The following APLF variants were observed in gnomAD, a reference collection of about 807,000 sequenced individuals.
APLF encodes aprataxin and PNKP like factor.
A neutral mutation model predicts 55.6 loss-of-function variants in APLF; 61 were observed. The observed-to-expected ratio is 1.10, with a 90% CI of 0.89 to 1.36. APLF has a LOEUF of 1.36. Among genes scored for constraint, APLF ranks in the 40% most tolerant of loss-of-function variants. The pLI, the probability that APLF is intolerant of heterozygous loss-of-function variation, is 0.00. For missense variants in APLF, 611 were observed against 602.5 expected (o/e 1.01, Z -0.15); for synonymous variants, 207 against 214.8 (o/e 0.96, Z 0.32).
intron 3 of APLF, among the ~76,000 whole-genome samples, chr2:68,507,794 G>C (rs1676909477): frequency 6.6e-6 from 1 of 151,848 alleles, no homozygotes; most frequent in African/African-American, 2.4e-5. Context: ...TGCTGATGAG[G>C]AAGTATGACA....
chr2:68,505,734 G>A (rs1159952039), intron 3 of APLF, among the ~76,000 whole-genome samples: 1 of 151,970 alleles, frequency 6.6e-6, no homozygotes, highest in Non-Finnish European at 1.5e-5. Context: ...GTGGAGTGTT[G>A]GGGTACACCA....
chr2:68,482,648 T>C (rs2103891990), intron 1 of APLF, among the ~76,000 whole-genome samples: 1 of 152,288 alleles, frequency 6.6e-6, no homozygotes, highest in African/African-American at 2.4e-5. Context: ...GCTTAGGGTC[T>C]GGCTTACTGA....
chr2:68,468,710 T>A (rs1675513968), intron 1 of APLF, among the ~76,000 whole-genome samples: 1 of 152,240 alleles, frequency 6.6e-6, no homozygotes, highest in East Asian at 1.9e-4. Context: ...TCAACATTTC[T>A]TGTTTGGTGC....
intron 5 of APLF, among the ~76,000 whole-genome samples, chr2:68,523,082 T>C (rs1185467041): frequency 6.6e-6 from 1 of 151,914 alleles, no homozygotes; most frequent in African/African-American, 2.4e-5. Context: ...TATACTGAGA[T>C]ATATTATCTA....
chr2:68,467,802 T>C lies in APLF; in HGVS notation c.71T>C (p.Val24Ala), dbSNP rs1675475827. The C allele has an allele frequency of 1.6e-6, 2 of 1,233,576 alleles. No individual in the cohort carries two copies. The highest frequency in any genetic ancestry group is 3.1e-5 in the African/African-American group (2 of 64,350). The allele number at this position is 1,233,576 out of a possible 1,614,324, so 76.4% of individuals were successfully genotyped here. ...PRVALAPGETVIGRGPLLGIT... is the reference protein window; with the variant it reads ...PRVALAPGETAIGRGPLLGIT... ...GTGGCCCTGGCGCCCGGGGAGACGG[T>C]GATCGGCCGCGGGCCGCTGCTGGGA... is the stretch of plus-strand genomic sequence containing the variant. Residue 24 changes from valine to alanine, a missense_variant, in exon 1 of 10, where the codon GTG becomes GCG. Coordinates refer to ENST00000303795, the MANE Select transcript of APLF (RefSeq NM_173545.3).
At chr2:68,517,757 T>C (rs938553154) in intron 5 of APLF, among the ~76,000 whole-genome samples, 2 of 145,266 alleles carry the variant, frequency 1.4e-5, no homozygotes, top group Non-Finnish European at 3.0e-5. Context: ...ATATCTACTG[T>C]TAATATATAA....
In APLF at chr2:68,538,030, A is replaced by C. The variant is rs907848415; in HGVS notation, c.963A>C (p.Ala321=). 1 of 1,614,028 alleles carries C rather than the reference A, an allele frequency of 6.2e-7. No individual in the cohort carries two copies. Among genetic ancestry groups the C allele is most frequent in the African/African-American group, 1.3e-5 (1 of 74,930 alleles). ...GAACACCACATAAAGAAGATGAGGC[A>C]ATGAGCTGTTCTGAAAATTGTTCGA... ...TKRTPHKEDE[A]MSCSENCSSA... Residue 321 remains alanine (A), a synonymous_variant, in exon 7 of 10, where the codon GCA becomes GCC. Coordinates refer to ENST00000303795, the MANE Select transcript of APLF (RefSeq NM_173545.3).
intron 1 of APLF, among the ~76,000 whole-genome samples, chr2:68,480,713 TC>T (rs1675926203): frequency 6.6e-6 from 1 of 152,190 alleles, no homozygotes; most frequent in Middle Eastern, 3.2e-3. Context: ...AGAAAAGGTT[TC>T]ATCTTTTCCC....
chr2:68,538,212 G>A lies in APLF; in HGVS notation c.1145G>A (p.Gly382Glu). The change falls in exon 7 of 10, where the codon GGG becomes GAG. Residue 382 changes from glycine to glutamate, a missense_variant. By Grantham distance (98) the Gly-to-Glu change is moderately conservative. Transcript: ENST00000303795. ...NKVKRTSCMY[G>E]ANCYRKNPVH... ...GTCAAGAGGACATCCTGCATGTATG[G>A]GGCAAACTGCTATAGGTAAAATGAA... 2 of 1,603,584 alleles carry A rather than the reference G, an allele frequency of 1.2e-6. No individual in the cohort carries two copies. Among genetic ancestry groups the A allele is most frequent in the Non-Finnish European group, 1.7e-6 (2 of 1,176,562 alleles).
chr2:68,532,599 G>A (rs11892174), intron 6 of APLF, among the ~76,000 whole-genome samples: 11,661 of 152,136 alleles, frequency 0.077, 1,290 homozygotes, highest in African/African-American at 0.24. Flanking sequence ...TCTACCATAC[G>A]TATTAGACTA....
rs1676557879 is a variant in APLF, at chr2:68,496,622, G to A, written c.169-6109G>A. Reference sequence around the variant, plus strand: ...AGTGCAGGTTGTTAGAAGCAGCCAGGCCACTTCTTGAACACTTTGCTGCTT... The same window carrying A: ...AGTGCAGGTTGTTAGAAGCAGCCAGACCACTTCTTGAACACTTTGCTGCTT... On this transcript the variant is annotated intron_variant, in intron 2 of 9. Coordinates refer to ENST00000303795, the MANE Select transcript of APLF (RefSeq NM_173545.3). Among the ~76,000 whole-genome samples the A allele has an allele frequency of 2.0e-5, 3 of 152,236 alleles. No individual in the cohort carries two copies. The South Asian group carries it at 6.2e-4, about 32-fold the overall frequency.
At chr2:68,519,865 A>G (rs1472113503) in intron 5 of APLF, among the ~76,000 whole-genome samples, 1 of 151,600 alleles carries the variant, frequency 6.6e-6, no homozygotes, top group African/African-American at 2.4e-5. Flanking sequence ...TGGTAGATCT[A>G]CTTTTAGTTG....
chr2:68,553,837 G>A (rs1670932714), intron 8 of APLF, among the ~76,000 whole-genome samples: 4 of 152,048 alleles, frequency 2.6e-5, no homozygotes, highest in Admixed American at 1.3e-4. Flanking sequence ...AACAGTGTAA[G>A]AATTATTCTG....
Position 68,578,630 on chromosome 2 carries a change from A to G in APLF, c.*608A>G, listed in dbSNP as rs930616891. ...TGTAGAAGAGAAATGTTCACCATGT[A>G]GGGAATGTTATTTTGTGTTCCACAT... On this transcript the variant is annotated 3_prime_UTR_variant, in exon 10 of 10. Transcript: ENST00000303795. 1 of 985,284 alleles carries G rather than the reference A, an allele frequency of 1.0e-6. No individual in the cohort carries two copies. Among genetic ancestry groups the G allele is most frequent in the African/African-American group, 1.7e-5 (1 of 57,248 alleles). 61.0% of individuals were successfully genotyped at this position (985,284 alleles called of 1,614,324 possible). A position where few individuals can be genotyped will look rare whatever the true frequency, so the allele number is the denominator to read the frequency against.
At chr2:68,574,520 A>G (rs933232445) in intron 9 of APLF, among the ~76,000 whole-genome samples, 2 of 152,178 alleles carry the variant, frequency 1.3e-5, no homozygotes, top group Non-Finnish European at 2.9e-5. Context: ...CTTAAAGTAT[A>G]AAAGTACCTG....
intron 8 of APLF, among the ~76,000 whole-genome samples, chr2:68,545,540 A>C (rs1420824917): frequency 1.3e-5 from 2 of 152,222 alleles, no homozygotes; most frequent in African/African-American, 2.4e-5. Flanking sequence ...CCTTATTTCC[A>C]ACTTTCTGTA....
rs573292898 is a variant in APLF, at chr2:68,505,276, A to G, written c.341+2373A>G. Reference sequence around the variant, plus strand: ...CAATAAACTTTCATAATAGAATTACATACTTTTTTCAAAAATTAGGAAAAT... The same window carrying G: ...CAATAAACTTTCATAATAGAATTACGTACTTTTTTCAAAAATTAGGAAAAT... On this transcript the variant is annotated intron_variant, in intron 3 of 9. Coordinates refer to ENST00000303795, the MANE Select transcript of APLF (RefSeq NM_173545.3). Among the ~76,000 whole-genome samples the G allele has an allele frequency of 2.0e-5, 3 of 152,208 alleles. No individual in the cohort carries two copies. The East Asian group carries it at 5.8e-4, about 29-fold the overall frequency.
chr2:68,518,513 ATAT>A (rs1169144817), intron 5 of APLF, among the ~76,000 whole-genome samples: 19 of 117,230 alleles, frequency 1.6e-4, no homozygotes, highest in South Asian at 1.5e-3. Context: ...TAATGTTAAT[ATAT>A]TATTATATTA....
At chr2:68,501,220 T>G (rs954696706) in intron 2 of APLF, among the ~76,000 whole-genome samples, 1 of 152,216 alleles carries the variant, frequency 6.6e-6, no homozygotes, top group South Asian at 2.1e-4. Flanking sequence ...CAGATTCTTA[T>G]GAAATTGAAT....
Sources: gnomAD v4.1 joint callset for allele counts (sites outside exome capture counted in the v4.1 genomes callset) on GRCh38, gnomAD v4.1.1 for gene constraint, MANE v1.5 for transcripts, NCBI Gene and HGNC (gene_info 2026-07-23, HGNC 2026-07-21) for gene names.